Variants in TMEM255B observed in about 807,000 individuals in gnomAD.
TMEM255B encodes family with sequence similarity 70, member B.
TMEM255B carries 35 observed loss-of-function variants against 34.5 expected under a neutral mutation model. The ratio of observed to expected loss-of-function variants is 1.01; its 90% CI spans 0.77 to 1.34. TMEM255B has a LOEUF of 1.34. TMEM255B is among the 40% of genes most tolerant of loss of function. The pLI is 0.00. For missense variants in TMEM255B, 432 were observed against 433.2 expected, an observed-to-expected ratio of 1.00 and a Z score of 0.02; for synonymous variants, 206 against 201.2, an observed-to-expected ratio of 1.02 and a Z score of -0.20.
intron 8 of TMEM255B, among the ~76,000 whole-genome samples, chr13:113,807,680 G>T (rs552807926): frequency 1.5e-5 from 2 of 132,142 alleles, no homozygotes; most frequent in African/African-American, 3.0e-5. Flanking sequence ...GGTCCTCCCC[G>T]TCACACGCAG....
intron 1 of TMEM255B, among the ~76,000 whole-genome samples, chr13:113,762,505 T>TG (rs937385978): frequency 9.2e-5 from 14 of 152,070 alleles, no homozygotes; most frequent in Admixed American, 4.6e-4. Flanking sequence ...TTGTAGCAGA[T>TG]GGGGGGGAAG....
chr13:113,763,391 TCCTC>T (rs767292336), intron 1 of TMEM255B, among the ~76,000 whole-genome samples: 7 of 152,178 alleles, frequency 4.6e-5, no homozygotes, highest in Non-Finnish European at 1.0e-4. Flanking sequence ...GTGCCTGCCT[TCCTC>T]TTGCCCACTT....
At chr13:113,771,840 G>T (rs967226320) in intron 3 of TMEM255B, among the ~76,000 whole-genome samples, 4 of 152,222 alleles carry the variant, frequency 2.6e-5, no homozygotes, top group Non-Finnish European at 4.4e-5. Flanking sequence ...GTGTGAAAAT[G>T]CATTTACATT....
chr13:113,781,474 A>G (rs1702699048), intron 3 of TMEM255B, among the ~76,000 whole-genome samples: 1 of 152,250 alleles, frequency 6.6e-6, no homozygotes, highest in South Asian at 2.1e-4. Flanking sequence ...CACACCTTGC[A>G]TGTAAACTGT....
Position 113,795,121 on chromosome 13 carries a change from G to A in TMEM255B, c.253-27G>A, listed in dbSNP as rs1350260756. 3.7e-6 allele frequency: 6 copies of A among 1,608,474 alleles called. No homozygotes were observed. In the African/African-American group the frequency reaches 5.5e-5, roughly 15 times the overall value. ...GAAAACCGGGGTTGGTAAAAGCTGG[G>A]CACCCACACCTCTCCTTCTGTTGCA... On this transcript the variant is annotated intron_variant, in intron 3 of 8. Coordinates refer to ENST00000375353, the MANE Select transcript of TMEM255B (RefSeq NM_182614.4).
At position 113,802,766 on chromosome 13, in the gene TMEM255B, C is replaced by G. The variant is rs1426614286; in HGVS notation, c.669+954C>G. On this transcript the variant is annotated intron_variant, in intron 7 of 8. Coordinates refer to ENST00000375353, the MANE Select transcript of TMEM255B (RefSeq NM_182614.4). Reference sequence around the variant, plus strand: ...AAAACTGGTGAAGCTGAGAGTGACCCTGGCATCCCGAGGTCCAGCCCTCTG... The same window carrying G: ...AAAACTGGTGAAGCTGAGAGTGACCGTGGCATCCCGAGGTCCAGCCCTCTG... 2.0e-5 allele frequency among the ~76,000 whole-genome samples: 3 copies of G among 148,536 alleles called. 1 individual carries two copies. Among genetic ancestry groups the G allele is most frequent in the Non-Finnish European group, 4.5e-5 (3 of 66,208 alleles).
chr13:113,815,077 G>T lies in TMEM255B; in HGVS notation c.*3174G>T, dbSNP rs1351156808. On this transcript the variant is annotated 3_prime_UTR_variant, in exon 9 of 9. Coordinates refer to ENST00000375353, the MANE Select transcript of TMEM255B (RefSeq NM_182614.4). ...CCTGGGCAGGGGTCCGTTGAGACTG[G>T]CCCCACCTTATTAGCTTGGGACCTT... 6.6e-6 allele frequency: 1 copy of T among 152,264 alleles called. No individual in the cohort carries two copies. Among genetic ancestry groups the T allele is most frequent in the African/African-American group, 2.4e-5 (1 of 41,484 alleles). The allele number at this position is 152,264 out of a possible 1,614,324, so 9.4% of individuals were successfully genotyped here.
intron 3 of TMEM255B, among the ~76,000 whole-genome samples, chr13:113,793,693 CT>C (rs2050870896): frequency 6.6e-6 from 1 of 152,254 alleles, no homozygotes; most frequent in African/African-American, 2.4e-5. Flanking sequence ...AGCTCTTCCT[CT>C]GCTGAAGGAT....
chr13:113,799,730 CA>C, intron 5 of TMEM255B: 3 of 699,196 alleles, frequency 4.3e-6, no homozygotes, highest in Non-Finnish European at 8.0e-6. Flanking sequence ...CAATAAGAAG[CA>C]AGGATAATAC....
intron 7 of TMEM255B, 35 bp from the exon 8 acceptor site, chr13:113,804,850 G>C (rs1179192282): frequency 6.4e-7 from 1 of 1,572,880 alleles, no homozygotes. Flanking sequence ...CCACTAGGGG[G>C]TACACGCCGA....
chr13:113,789,321 A>G (rs2050791014), intron 3 of TMEM255B, among the ~76,000 whole-genome samples: 1 of 152,208 alleles, frequency 6.6e-6, no homozygotes, highest in Admixed American at 6.5e-5. Context: ...CAGTGCAGGG[A>G]CAGAGTTTCT....
At chr13:113,799,465 C>T in intron 5 of TMEM255B, 46 bp downstream of exon 5, 1 of 1,584,696 alleles carries the variant, frequency 6.3e-7, no homozygotes, top group Non-Finnish European at 8.7e-7. Context: ...TCAGCTAACC[C>T]CGCCGACCCC....
chr13:113,772,712 G>A (rs1204445551), intron 3 of TMEM255B, among the ~76,000 whole-genome samples: 1 of 152,102 alleles, frequency 6.6e-6, no homozygotes, highest in Non-Finnish European at 1.5e-5. Flanking sequence ...AAATTAATTG[G>A]CCATACATAT....
At chr13:113,775,910 A>G (rs2050569456) in intron 3 of TMEM255B, among the ~76,000 whole-genome samples, 1 of 152,172 alleles carries the variant, frequency 6.6e-6, no homozygotes, top group African/African-American at 2.4e-5. Context: ...GCGGCCCCAC[A>G]GGTGGCTTGA....
At position 113,812,196 on chromosome 13, in the gene TMEM255B, C is replaced by T. The variant is rs1483206666; in HGVS notation, c.*293C>T. ...GAGAGCAATTGTTCTGGTGTTTTCA[C>T]ATCCCTTAATTAATTAGCTATTATT... On this transcript the variant is annotated 3_prime_UTR_variant, in exon 9 of 9. Coordinates refer to ENST00000375353, the MANE Select transcript of TMEM255B (RefSeq NM_182614.4). The T allele has an allele frequency of 2.1e-6, 1 of 468,994 alleles. No individual in the cohort carries two copies. The highest frequency in any genetic ancestry group is 3.8e-5 in the East Asian group (1 of 25,996). The allele number at this position is 468,994 out of a possible 1,614,324, so 29.1% of individuals were successfully genotyped here. A position where few individuals can be genotyped will look rare whatever the true frequency, so the allele number is the denominator to read the frequency against.
chr13:113,811,728 T>C lies in TMEM255B; in HGVS notation c.814-8T>C, dbSNP rs750122843. On this transcript the variant is annotated splice_region_variant and splice_polypyrimidine_tract_variant and intron_variant, in intron 8 of 8. Transcript: ENST00000375353. Reference sequence around the variant, plus strand: ...CTGCTAACCCAGGGCCCTCTCTGTTTATTGCAGCCCTGCAGCCGCTTCCCA... The same window carrying C: ...CTGCTAACCCAGGGCCCTCTCTGTTCATTGCAGCCCTGCAGCCGCTTCCCA... 4 of 1,613,272 alleles carry C rather than the reference T, an allele frequency of 2.5e-6. No homozygotes were observed. In the Admixed American group the frequency reaches 5.0e-5, roughly 20 times the overall value.
intron 8 of TMEM255B, among the ~76,000 whole-genome samples, chr13:113,808,321 G>C (rs936624021): frequency 3.9e-5 from 6 of 152,182 alleles, no homozygotes; most frequent in Admixed American, 2.0e-4. Context: ...AAGTGCAGGG[G>C]AGGACGTGGC....
chr13:113,796,124 C>T (rs1042990257), intron 4 of TMEM255B, among the ~76,000 whole-genome samples: 1 of 144,870 alleles, frequency 6.9e-6, no homozygotes, highest in Non-Finnish European at 1.5e-5. Flanking sequence ...GCACACAGCA[C>T]ACAACACACA....
At chr13:113,779,175 C>T (rs1044726367) in intron 3 of TMEM255B, among the ~76,000 whole-genome samples, 2 of 152,046 alleles carry the variant, frequency 1.3e-5, no homozygotes, top group Non-Finnish European at 2.9e-5. Context: ...TTTATGGTCA[C>T]GCTGATATTA....
Sources: gnomAD v4.1 joint callset for allele counts (sites outside exome capture counted in the v4.1 genomes callset) on GRCh38, gnomAD v4.1.1 for gene constraint, MANE v1.5 for transcripts, NCBI Gene and HGNC (gene_info 2026-07-23, HGNC 2026-07-21) for gene names.